USP12: variants seen among roughly 807,000 people sequenced by gnomAD.
The protein encoded by USP12 is ubiquitin specific peptidase 12.
USP12 carries 19 observed loss-of-function variants against 45.5 expected under a neutral mutation model. The ratio of observed to expected loss-of-function variants is 0.42; its 90% CI spans 0.29 to 0.61. USP12 has a LOEUF of 0.61. Ranked by LOEUF, USP12 falls within the 20% of genes least tolerant of loss-of-function variation. The probability of loss-of-function intolerance (pLI) is 0.22; values close to 1 mark genes in which losing one functional copy is unlikely to be tolerated. For missense variants in USP12, 242 were observed against 447.7 expected (o/e 0.54, Z 4.15); for synonymous variants, 149 against 148.8 (o/e 1.00, Z -0.01).
At chr13:27,094,999 T>A (rs1874505537) in intron 4 of USP12, among the ~76,000 whole-genome samples, 1 of 151,912 alleles carries the variant, frequency 6.6e-6, no homozygotes, top group Non-Finnish European at 1.5e-5. Flanking sequence ...AAATAAAAAT[T>A]TAAAAATTAG....
intron 1 of USP12, chr13:27,162,952 T>C (rs556820765): frequency 2.0e-4 from 30 of 152,348 alleles, no homozygotes; most frequent in African/African-American, 6.3e-4. Context: ...TTTTTTAACA[T>C]GTATATACAA....
chr13:27,119,884 G>A (rs1162155453), intron 1 of USP12, among the ~76,000 whole-genome samples: 2 of 152,208 alleles, frequency 1.3e-5, no homozygotes, highest in African/African-American at 2.4e-5. Context: ...ATGACACTGC[G>A]CAGCAGATTC....
chr13:27,075,965 G>A (rs551054222), intron 6 of USP12, among the ~76,000 whole-genome samples: 127 of 150,106 alleles, frequency 8.5e-4, no homozygotes, highest in Admixed American at 3.3e-3. Context: ...AGGAGGCGGA[G>A]GTTGCAGTGA....
chr13:27,156,058 T>C (rs944096929), intron 1 of USP12, among the ~76,000 whole-genome samples: 1 of 152,092 alleles, frequency 6.6e-6, no homozygotes, highest in African/African-American at 2.4e-5. Context: ...CAACAGTTGC[T>C]AAAAACCATG....
At chr13:27,127,159 T>C (rs1287347847) in intron 1 of USP12, among the ~76,000 whole-genome samples, 6 of 152,234 alleles carry the variant, frequency 3.9e-5, no homozygotes, top group Non-Finnish European at 7.3e-5. Context: ...AATGAGACAA[T>C]GAGCTACTGA....
intron 8 of USP12, 76 bp from the exon 9 acceptor site, chr13:27,069,460 C>G: frequency 5.7e-4 from 587 of 1,026,174 alleles, no homozygotes; most frequent in Non-Finnish European, 7.9e-4. Flanking sequence ...AAAAGACTGA[C>G]AATACCAAGT....
At chr13:27,117,636 C>A in intron 1 of USP12, 3 of 355,150 alleles carry the variant, frequency 8.4e-6, no homozygotes, top group Non-Finnish European at 1.2e-5. Context: ...TGTTTAATAG[C>A]ACACGGAAAG....
At chr13:27,160,805 A>G (rs953923815) in intron 1 of USP12, among the ~76,000 whole-genome samples, 6 of 150,908 alleles carry the variant, frequency 4.0e-5, no homozygotes, top group Admixed American at 6.6e-5. Flanking sequence ...TCCCCCTTCA[A>G]CCTTAAGTTA....
chr13:27,103,607 A>AATAAT (rs1555234499), intron 3 of USP12, among the ~76,000 whole-genome samples: 289 of 128,506 alleles, frequency 2.2e-3, no homozygotes, highest in African/African-American at 4.4e-3. Flanking sequence ...TCAAAAAAAA[A>AATAAT]AATAATAATA....
intron 6 of USP12, among the ~76,000 whole-genome samples, chr13:27,084,169 TACACACACACACACACACACAC>T (rs374948699): frequency 5.1e-4 from 73 of 142,510 alleles, no homozygotes; most frequent in Non-Finnish European, 4.8e-4. Flanking sequence ...CATGTTTGCA[TACACACACACACACACACACAC>T]ACACACACAC....
chr13:27,170,820 A>T (rs956022445), intron 1 of USP12, among the ~76,000 whole-genome samples: 5 of 152,244 alleles, frequency 3.3e-5, no homozygotes, highest in Non-Finnish European at 5.9e-5. Context: ...GCTTTTCAAG[A>T]TTAACGTGCA....
At chr13:27,115,969 G>A (rs1875713355) in intron 2 of USP12, among the ~76,000 whole-genome samples, 1 of 152,056 alleles carries the variant, frequency 6.6e-6, no homozygotes, top group Non-Finnish European at 1.5e-5. Flanking sequence ...GACAAAATAG[G>A]GATGATCAGA....
chr13:27,087,816 G>T (rs1335044166), intron 6 of USP12, among the ~76,000 whole-genome samples: 1 of 152,216 alleles, frequency 6.6e-6, no homozygotes, highest in Non-Finnish European at 1.5e-5. Context: ...CCCCTGGCCA[G>T]ACTGGAGATA....
intron 1 of USP12, among the ~76,000 whole-genome samples, chr13:27,141,990 C>G (rs1391651652): frequency 7.0e-6 from 1 of 143,050 alleles, no homozygotes; most frequent in Non-Finnish European, 1.5e-5. Flanking sequence ...TACATGATGG[C>G]GTGTGCCTGC....
chr13:27,143,043 A>G (rs1877138772), intron 1 of USP12, among the ~76,000 whole-genome samples: 1 of 151,892 alleles, frequency 6.6e-6, no homozygotes, highest in Non-Finnish European at 1.5e-5. Flanking sequence ...CAGTGAGCCA[A>G]GATCACGCCA....
chr13:27,157,127 GAA>G (rs1194869908), intron 1 of USP12, among the ~76,000 whole-genome samples: 1 of 152,194 alleles, frequency 6.6e-6, no homozygotes, highest in African/African-American at 2.4e-5. Context: ...TGACATTGGT[GAA>G]GTTTCTTCAC....
intron 7 of USP12, among the ~76,000 whole-genome samples, chr13:27,074,393 C>T (rs1256506175): frequency 6.6e-6 from 1 of 151,602 alleles, no homozygotes; most frequent in African/African-American, 2.4e-5. Flanking sequence ...GAGCAAGACT[C>T]CATCTCAAAA....
At chr13:27,138,245 A>G (rs1457842311) in intron 1 of USP12, among the ~76,000 whole-genome samples, 3 of 152,232 alleles carry the variant, frequency 2.0e-5, no homozygotes, top group Non-Finnish European at 4.4e-5. Flanking sequence ...TTGCTCCTAT[A>G]TGGCAAACAT....
chr13:27,079,915 TG>T (rs1873669923), intron 6 of USP12, among the ~76,000 whole-genome samples: 1 of 152,156 alleles, frequency 6.6e-6, no homozygotes, highest in African/African-American at 2.4e-5. Context: ...AAGGATTAAT[TG>T]TGACACATTA....
Sources: allele counts gnomAD v4.1 joint callset (sites outside exome capture counted in the v4.1 genomes callset), GRCh38; gene constraint gnomAD v4.1.1; transcripts MANE v1.5; gene names NCBI Gene and HGNC (gene_info 2026-07-23, HGNC 2026-07-21).